The following CROT variants were observed in gnomAD, a reference collection of about 807,000 sequenced individuals.
The protein encoded by CROT is peroxisomal carnitine O-octanoyltransferase.
Under a neutral mutation model 89.2 loss-of-function variants are expected in CROT, and 84 were observed. That is an observed-to-expected ratio of 0.94 (90% confidence interval 0.79 to 1.13). The LOEUF (loss-of-function observed/expected upper bound fraction) is 1.13. Among genes scored for constraint, CROT ranks in the 50% most tolerant of loss-of-function variants. The pLI, the probability that CROT is intolerant of heterozygous loss-of-function variation, is 0.00. For synonymous variants in CROT, 212 were observed against 239.5 expected (o/e 0.89, Z 1.06); for missense variants, 711 against 727.8 (o/e 0.98, Z 0.27).
At chr7:87,387,663 A>G (rs1807224695) in intron 13 of CROT, among the ~76,000 whole-genome samples, 1 of 152,214 alleles carries the variant, frequency 6.6e-6, no homozygotes, top group African/African-American at 2.4e-5. Context: ...AAGAAAAATC[A>G]TAAGGAGGCT....
intron 3 of CROT, among the ~76,000 whole-genome samples, chr7:87,352,300 G>A (rs2115798392): frequency 6.6e-6 from 1 of 152,264 alleles, no homozygotes; most frequent in South Asian, 2.1e-4. Context: ...CAGTATTGAT[G>A]TCAGGGTGGT....
At chr7:87,366,194 T>A (rs1157019417) in intron 6 of CROT, among the ~76,000 whole-genome samples, 1 of 152,104 alleles carries the variant, frequency 6.6e-6, no homozygotes, top group Non-Finnish European at 1.5e-5. Flanking sequence ...TACTAAAGCT[T>A]GATTATTCAT....
rs1272796114 is a variant in CROT at position 87,392,775 on chromosome 7, A to G, written c.1550A>G (p.Glu517Gly). The G allele has an allele frequency of 6.2e-7, 1 of 1,613,674 alleles. No individual in the cohort carries two copies. Among genetic ancestry groups the G allele is most frequent in the Non-Finnish European group, 8.5e-7 (1 of 1,179,830 alleles). The change falls in exon 16 of 18, where the codon GAA becomes GGA. Residue 517 changes from glutamate to glycine, a missense_variant. By Grantham distance (98) the Glu-to-Gly change is moderately conservative. Transcript: ENST00000331536. ...GGTCTCTTACTCATAGCAAAAGAGG[A>G]AGGTCTTCCTGTTCCAGAACTCTTT... is the stretch of plus-strand genomic sequence containing the variant. Reference protein sequence around the residue: ...LLGLLLIAKEEGLPVPELFTD... With the variant: ...LLGLLLIAKEGGLPVPELFTD...
Position 87,375,609 on chromosome 7 carries a change from ATCT to A in CROT, c.657-18_657-16del. 5.1e-6 allele frequency: 8 copies of A among 1,569,450 alleles called. No individual in the cohort carries two copies. Among genetic ancestry groups the A allele is most frequent in the Non-Finnish European group, 7.0e-6 (8 of 1,141,288 alleles). On this transcript the variant is annotated intron_variant, in intron 7 of 17. Coordinates refer to ENST00000331536, the MANE Select transcript of CROT (RefSeq NM_021151.4). ...TACTTTCTGCCTGTACTCTTTTTTA[ATCT>A]TCTTTTCATCTTCCATAAGACAACT... is the stretch of plus-strand genomic sequence containing the variant.
intron 7 of CROT, among the ~76,000 whole-genome samples, chr7:87,373,117 T>C (rs1806693291): frequency 6.6e-6 from 1 of 152,106 alleles, no homozygotes; most frequent in Non-Finnish European, 1.5e-5. Context: ...CCAACACTTA[T>C]TGTCTGCCTT....
chr7:87,354,341 T>A, intron 3 of CROT: 4 of 516,990 alleles, frequency 7.7e-6, no homozygotes, highest in Non-Finnish European at 1.5e-5. Context: ...CTTCTGCTTA[T>A]GGGAAGCCCA....
At chr7:87,359,420 A>T (rs1473423554) in intron 4 of CROT, 90 bp downstream of exon 4, 1 of 1,492,786 alleles carries the variant, frequency 6.7e-7, no homozygotes, top group Non-Finnish European at 8.9e-7. Context: ...TTGCTGTAAA[A>T]ATTTTTACAG....
intron 9 of CROT, 104 bp from the exon 10 acceptor site, chr7:87,377,245 G>T (rs1562934873): frequency 3.2e-6 from 2 of 625,264 alleles, no homozygotes; most frequent in Non-Finnish European, 5.5e-6. Flanking sequence ...ATTAAATTTG[G>T]TTGACGTGAA....
At position 87,382,449 on chromosome 7, in the gene CROT, TC is replaced by T. The variant is rs1398416028; in HGVS notation, c.1208del (p.Ser403PhefsTer6). ...DLQIAAYAFT[S>X]FGKKLTKNKM... ...ACAGATTGCGGCTTATGCCTTTACA[TC>T]TTTTGGCAAAAAGCTAACCAAGAAC... On this transcript the variant is annotated frameshift_variant, in exon 13 of 18. Coordinates refer to ENST00000331536, the MANE Select transcript of CROT (RefSeq NM_021151.4). LOFTEE classifies it high-confidence loss of function. 3 of 1,613,770 alleles carry T rather than the reference TC, an allele frequency of 1.9e-6. No homozygotes were observed. The African/African-American group carries it at 4.0e-5, about 22-fold the overall frequency.
At chr7:87,354,537 C>A in intron 3 of CROT, 1 of 374,116 alleles carries the variant, frequency 2.7e-6, no homozygotes, top group Non-Finnish European at 5.4e-6. Context: ...TCAAGTTATA[C>A]TAGAGGTAAA....
In CROT at chr7:87,365,883, G is replaced by A. The variant is rs142802281; in HGVS notation, c.548-3493G>A. Among the ~76,000 whole-genome samples the A allele has an allele frequency of 5.1e-3, 778 of 152,194 alleles. 6 individuals are homozygous for A. Among genetic ancestry groups the A allele is most frequent in the African/African-American group, 0.017 (716 of 41,530 alleles). ...AGCCCCCAAAGTGTTGGGATTACAC[G>A]TGTGAGCCACAGCACCTGGCCTGTT... On this transcript the variant is annotated intron_variant, in intron 6 of 17. Transcript: ENST00000331536.
intron 13 of CROT, 128 bp from the exon 14 acceptor site, chr7:87,391,461 A>G: frequency 3.6e-6 from 3 of 828,366 alleles, no homozygotes; most frequent in Non-Finnish European, 5.3e-6. Flanking sequence ...TTTTGTTGAA[A>G]GTCTCCAACC....
chr7:87,377,246 T>C, intron 9 of CROT, 103 bp from the exon 10 acceptor site: 3 of 631,468 alleles, frequency 4.8e-6, no homozygotes, highest in Non-Finnish European at 8.1e-6. Context: ...TTAAATTTGG[T>C]TGACGTGAAG....
intron 13 of CROT, among the ~76,000 whole-genome samples, chr7:87,384,139 C>T (rs1397688245): frequency 2.0e-5 from 3 of 152,120 alleles, no homozygotes; most frequent in Non-Finnish European, 4.4e-5. Flanking sequence ...GGTGATGTCT[C>T]ATTGTAGTTT....
intron 3 of CROT, among the ~76,000 whole-genome samples, chr7:87,356,779 T>C (rs1385250571): frequency 6.6e-6 from 1 of 152,094 alleles, no homozygotes; most frequent in African/African-American, 2.4e-5. Flanking sequence ...TCCCAGTACT[T>C]TGGGAGGCCA....
At position 87,351,136 on chromosome 7, in the gene CROT, G is replaced by A. The variant is rs138157542; in HGVS notation, c.115+1953G>A. The stretch of plus-strand genomic sequence containing the variant: ...ATCCTGGCTAACACGGTGAAACCCC[G>A]TCTCTACTAAAAATGCAAAAAAATT... On this transcript the variant is annotated intron_variant, in intron 3 of 17. Coordinates refer to ENST00000331536, the MANE Select transcript of CROT (RefSeq NM_021151.4). 4.1e-3 allele frequency among the ~76,000 whole-genome samples: 622 copies of A among 151,608 alleles called. 8 individuals are homozygous for A. The highest frequency in any genetic ancestry group is 0.014 in the African/African-American group (575 of 41,352).
At chr7:87,368,069 C>T (rs1396168354) in intron 6 of CROT, among the ~76,000 whole-genome samples, 3 of 152,194 alleles carry the variant, frequency 2.0e-5, no homozygotes, top group Non-Finnish European at 2.9e-5. Context: ...CCTTATCTAC[C>T]ACTCTATCCT....
chr7:87,358,775 G>A (rs914242865), intron 3 of CROT, among the ~76,000 whole-genome samples: 13 of 152,150 alleles, frequency 8.5e-5, no homozygotes, highest in Non-Finnish European at 1.9e-4. Flanking sequence ...GTAGGGACAG[G>A]AGAGGCAAGC....
rs894232868 is a variant in CROT, at chr7:87,359,534, G to A, written c.240+204G>A. ...ACTTGTTAAAATGCAGATTTGCTGG[G>A]ATAAGTGATTCTGATTCACATGGCT... On this transcript the variant is annotated intron_variant, in intron 4 of 17. Coordinates refer to ENST00000331536, the MANE Select transcript of CROT (RefSeq NM_021151.4). 4 of 1,317,536 alleles carry A rather than the reference G, an allele frequency of 3.0e-6. No individual in the cohort carries two copies. In the African/African-American group the frequency reaches 6.0e-5, roughly 20 times the overall value. The allele number at this position is 1,317,536 out of a possible 1,614,324, so 81.6% of individuals were successfully genotyped here.
Sources: gnomAD v4.1 joint callset for allele counts (sites outside exome capture counted in the v4.1 genomes callset) on GRCh38, gnomAD v4.1.1 for gene constraint, MANE v1.5 for transcripts, NCBI Gene and HGNC (gene_info 2026-07-23, HGNC 2026-07-21) for gene names.